Variants in FOXP1 observed in about 807,000 individuals in gnomAD.
FOXP1 encodes forkhead box P1, also known as forkhead box protein P1.
Under a neutral mutation model 98.2 loss-of-function variants are expected in FOXP1, and 15 were observed. The observed-to-expected ratio is 0.15, with a 90% CI of 0.10 to 0.24. The LOEUF (loss-of-function observed/expected upper bound fraction) is 0.24, where lower values mean the gene tolerates loss of function less well. Ranked by LOEUF, FOXP1 falls within the 10% of genes least tolerant of loss-of-function variation. The pLI, the probability that FOXP1 is intolerant of heterozygous loss-of-function variation, is 1.00. For synonymous variants in FOXP1, 371 were observed against 314.5 expected, an observed-to-expected ratio of 1.18 and a Z score of -1.90; for missense variants, 633 against 848.5, an observed-to-expected ratio of 0.75 and a Z score of 3.15.
chr3:71,320,426 C>T (rs1047885333), intron 4 of FOXP1, among the ~76,000 whole-genome samples: 1 of 151,824 alleles, frequency 6.6e-6, no homozygotes, highest in African/African-American at 2.4e-5. Context: ...GTCTCTAAGC[C>T]GCTGCACAGA....
chr3:71,044,557 T>C (rs1195075033), intron 10 of FOXP1, among the ~76,000 whole-genome samples: 1 of 152,202 alleles, frequency 6.6e-6, no homozygotes, highest in Non-Finnish European at 1.5e-5. Flanking sequence ...TAATTCTCTA[T>C]CTATTCCTAT....
intron 7 of FOXP1, among the ~76,000 whole-genome samples, chr3:71,064,489 C>T (rs2052067758): frequency 6.6e-6 from 1 of 151,972 alleles, no homozygotes; most frequent in Non-Finnish European, 1.5e-5. Flanking sequence ...AGCAGGACTT[C>T]CTCCAACTCT....
intron 6 of FOXP1, among the ~76,000 whole-genome samples, chr3:71,153,068 G>C (rs1034827455): frequency 6.6e-6 from 1 of 152,214 alleles, no homozygotes; most frequent in Non-Finnish European, 1.5e-5. Context: ...TTGTGACTGA[G>C]TGCTTGCAAC....
At chr3:71,526,705 C>T (rs1258981111) in intron 2 of FOXP1, among the ~76,000 whole-genome samples, 2 of 152,148 alleles carry the variant, frequency 1.3e-5, no homozygotes, top group East Asian at 1.9e-4. Context: ...CGGTGGCTCA[C>T]GCCTATAATC....
At chr3:71,219,785 T>C (rs1393074989) in intron 5 of FOXP1, among the ~76,000 whole-genome samples, 2 of 152,366 alleles carry the variant, frequency 1.3e-5, no homozygotes, top group East Asian at 1.9e-4. Flanking sequence ...TGTGTGGCTC[T>C]CCTTTTATTT....
chr3:70,962,987 C>T (rs1236079118), intron 20 of FOXP1, among the ~76,000 whole-genome samples: 1 of 152,236 alleles, frequency 6.6e-6, no homozygotes, highest in Admixed American at 6.5e-5. Context: ...GATCATTACA[C>T]ATTGTATACA....
At chr3:71,502,920 A>G (rs1160462209) in intron 2 of FOXP1, among the ~76,000 whole-genome samples, 1 of 151,840 alleles carries the variant, frequency 6.6e-6, no homozygotes, top group Non-Finnish European at 1.5e-5. Context: ...AGGTCACAAC[A>G]CTAAGTGCAA....
rs1024734524 is a variant in FOXP1, at chr3:71,106,922, G to A, written c.282+5614C>T. Among the ~76,000 whole-genome samples the A allele has an allele frequency of 4.3e-4, 65 of 151,726 alleles. 1 individual carries two copies. The highest frequency in any genetic ancestry group is 3.4e-3 in the Middle Eastern group (1 of 294). ...CAGAGTAGCTGGGACTACAGGCACCGGGCCCGGCTAATATTTTTGTATTAT... is the reference window on the plus strand; with the variant it reads ...CAGAGTAGCTGGGACTACAGGCACCAGGCCCGGCTAATATTTTTGTATTAT... On this transcript the variant is annotated intron_variant, in intron 7 of 20. Coordinates refer to ENST00000649528, the MANE Select transcript of FOXP1 (RefSeq NM_001349338.3).
intron 5 of FOXP1, among the ~76,000 whole-genome samples, chr3:71,216,976 A>G (rs1161010925): frequency 6.6e-6 from 1 of 152,228 alleles, no homozygotes; most frequent in Non-Finnish European, 1.5e-5. Flanking sequence ...GAGCCCCTAC[A>G]GTAAAAATTA....
chr3:70,960,113 CATTA>C (rs1179746822), intron 20 of FOXP1, among the ~76,000 whole-genome samples: 1 of 152,124 alleles, frequency 6.6e-6, no homozygotes, highest in Non-Finnish European at 1.5e-5. Context: ...GAGGTTCTAT[CATTA>C]ATCAACTTCA....
chr3:71,061,112 G>A (rs1339231778), intron 7 of FOXP1, among the ~76,000 whole-genome samples: 1 of 151,508 alleles, frequency 6.6e-6, no homozygotes, highest in Non-Finnish European at 1.5e-5. Flanking sequence ...TTAAACGAAA[G>A]AAAATAAGGC....
At chr3:71,037,587 G>A (rs1022437099) in intron 11 of FOXP1, among the ~76,000 whole-genome samples, 9 of 152,136 alleles carry the variant, frequency 5.9e-5, no homozygotes, top group African/African-American at 1.9e-4. Flanking sequence ...CCTTAGCTGC[G>A]CCATTGAACT....
intron 19 of FOXP1, chr3:70,970,090 C>T (rs902097352): frequency 7.2e-5 from 11 of 152,410 alleles, no homozygotes; most frequent in African/African-American, 2.7e-4. Context: ...AAACCCGCGT[C>T]TTCATCTCCT....
intron 9 of FOXP1, among the ~76,000 whole-genome samples, chr3:71,049,041 C>T (rs1254923710): frequency 6.6e-6 from 1 of 152,098 alleles, no homozygotes; most frequent in Non-Finnish European, 1.5e-5. Flanking sequence ...ACTGCGCTCC[C>T]CACCCAGTTA....
chr3:71,090,401 C>T (rs1304897372), intron 7 of FOXP1, among the ~76,000 whole-genome samples: 1 of 152,146 alleles, frequency 6.6e-6, no homozygotes, highest in Non-Finnish European at 1.5e-5. Context: ...GAACAAGTCT[C>T]CTGCAGGTGT....
At chr3:71,515,025 T>C (rs2042461935) in intron 2 of FOXP1, among the ~76,000 whole-genome samples, 1 of 152,180 alleles carries the variant, frequency 6.6e-6, no homozygotes, top group South Asian at 2.1e-4. Context: ...TTTATAGAAG[T>C]CAAAATTTTA....
At chr3:71,468,653 T>C (rs761327915) in intron 3 of FOXP1, among the ~76,000 whole-genome samples, 19 of 152,290 alleles carry the variant, frequency 1.2e-4, no homozygotes, top group Non-Finnish European at 2.4e-4. Flanking sequence ...CACCCTTTCA[T>C]CATTGCCATG....
intron 3 of FOXP1, among the ~76,000 whole-genome samples, chr3:71,433,604 G>A (rs142745273): frequency 3.5e-4 from 53 of 152,292 alleles, no homozygotes; most frequent in African/African-American, 1.2e-3. Flanking sequence ...CATTAAAAAC[G>A]TGCATGCTAT....
At chr3:71,404,124 T>TC (rs2082140698) in intron 3 of FOXP1, among the ~76,000 whole-genome samples, 1 of 112,784 alleles carries the variant, frequency 8.9e-6, no homozygotes, top group African/African-American at 3.2e-5. Flanking sequence ...CTTTTTCTTT[T>TC]TTTTTTTTTT....
Sources: allele counts gnomAD v4.1 joint callset (sites outside exome capture counted in the v4.1 genomes callset), GRCh38; gene constraint gnomAD v4.1.1; transcripts MANE v1.5; gene names NCBI Gene and HGNC (gene_info 2026-07-23, HGNC 2026-07-21).